STEAP1B: variants seen among roughly 807,000 people sequenced by gnomAD.
STEAP1B encodes the protein STEAP family protein MGC87042.
Under a neutral mutation model 27.9 loss-of-function variants are expected in STEAP1B, and 13 were observed. That is an observed-to-expected ratio of 0.47 (90% CI 0.30 to 0.74). The LOEUF is 0.74. STEAP1B is among the 30% of genes least tolerant of loss of function. STEAP1B has a pLI of 0.06. For missense variants in STEAP1B, 250 were observed against 298.7 expected, an observed-to-expected ratio of 0.84 and a Z score of 1.20; for synonymous variants, 86 against 107.1, an observed-to-expected ratio of 0.80 and a Z score of 1.22.
intron 4 of STEAP1B, among the ~76,000 whole-genome samples, chr7:22,423,105 G>A (rs944432684): frequency 6.6e-6 from 1 of 152,210 alleles, no homozygotes; most frequent in African/African-American, 2.4e-5. Context: ...GGAGCTCAGT[G>A]TGAAAAATTA....
intron 4 of STEAP1B, among the ~76,000 whole-genome samples, chr7:22,461,748 T>C (rs1312773606): frequency 6.6e-6 from 1 of 152,228 alleles, no homozygotes; most frequent in Non-Finnish European, 1.5e-5. Flanking sequence ...TTTGATTCTC[T>C]TCATGGTGCA....
chr7:22,465,365 C>T (rs574866338), intron 4 of STEAP1B, among the ~76,000 whole-genome samples: 4 of 152,182 alleles, frequency 2.6e-5, no homozygotes, highest in Middle Eastern at 3.4e-3. Context: ...GACTAATGTA[C>T]GGATTTTTTT....
chr7:22,458,157 A>G (rs555714350), intron 4 of STEAP1B, among the ~76,000 whole-genome samples: 1 of 152,382 alleles, frequency 6.6e-6, no homozygotes, highest in Admixed American at 6.5e-5. Flanking sequence ...TTCAATAAAC[A>G]TATCAGGTGA....
At position 22,454,861 on chromosome 7, in the gene STEAP1B, ATATAT is replaced by A. The variant is rs1562572891; in HGVS notation, c.763-35030_763-35026del. 1.4e-3 allele frequency among the ~76,000 whole-genome samples: 82 copies of A among 57,874 alleles called. 1 individual carries two copies. Among genetic ancestry groups the A allele is most frequent in the African/African-American group, 5.7e-3 (76 of 13,226 alleles). 38.0% of individuals were successfully genotyped at this position (57,874 alleles called of 152,430 possible). A position where few individuals can be genotyped will look rare whatever the true frequency, so the allele number is the denominator to read the frequency against. The stretch of plus-strand genomic sequence containing the variant: ...TATATATATATATGTATATATATAT[ATATAT>A]TTTTTTTTTTTTTTGAGACAGAGTC... On this transcript the variant is annotated intron_variant, in intron 4 of 4. Coordinates refer to ENST00000678116, the MANE Select transcript of STEAP1B (RefSeq NM_001382447.1).
intron 4 of STEAP1B, among the ~76,000 whole-genome samples, chr7:22,458,885 T>G (rs1454568650): frequency 6.6e-6 from 1 of 152,118 alleles, no homozygotes; most frequent in Non-Finnish European, 1.5e-5. Flanking sequence ...TAACTTTTTT[T>G]TTTTTTTGAG....
At chr7:22,449,104 T>C (rs765823282) in intron 4 of STEAP1B, among the ~76,000 whole-genome samples, 8 of 143,332 alleles carry the variant, frequency 5.6e-5, no homozygotes, top group Non-Finnish European at 9.0e-5. Context: ...GAGAATGGGG[T>C]ACCCATCCCA....
In STEAP1B at chr7:22,493,420, G is replaced by A. The variant is rs767581230; in HGVS notation, c.501C>T (p.Leu167=). ...WMLTRKQFGL[L]SLFFAVLHAI... The stretch of plus-strand genomic sequence containing the variant: ...CATGCAGTACAGCAAAAAACAAACT[G>A]AGAAGCCCAAACTGCTTTCTTGTTA... The change falls in exon 3 of 5, where the codon CTC becomes CTT. Residue 167 remains leucine, a synonymous_variant. Coordinates refer to ENST00000678116, the MANE Select transcript of STEAP1B (RefSeq NM_001382447.1). 13 of 1,613,882 alleles carry A rather than the reference G, an allele frequency of 8.1e-6. 2 individuals are homozygous for A. Among genetic ancestry groups the A allele is most frequent in the Middle Eastern group, 1.6e-4 (1 of 6,084 alleles).
rs181267462 is a variant in STEAP1B, at chr7:22,440,800, T to C, written c.763-20964A>G. Among the ~76,000 whole-genome samples the C allele has an allele frequency of 3.2e-4, 49 of 152,066 alleles. 1 individual carries two copies. Among genetic ancestry groups the C allele is most frequent in the Middle Eastern group, 3.4e-3 (1 of 290 alleles). ...ACACTGAAATAACATTCTTCAAATA[T>C]GCTAGTGACATACTGCATTACAGGT... On this transcript the variant is annotated intron_variant, in intron 4 of 4. Transcript: ENST00000678116.
chr7:22,419,659 C>CA lies in STEAP1B; in HGVS notation c.*144dup. On this transcript the variant is annotated 3_prime_UTR_variant, in exon 5 of 5. Coordinates refer to ENST00000678116, the MANE Select transcript of STEAP1B (RefSeq NM_001382447.1). ...ATCCACTCATCTGCCCTGCCGGATC[C>CA]ATGTTGACAGAGCAGCCGTCACCTG... 7 of 875,366 alleles carry CA rather than the reference C, an allele frequency of 8.0e-6. No homozygotes were observed. Among genetic ancestry groups the CA allele is most frequent in the Non-Finnish European group, 1.2e-5 (7 of 601,978 alleles). The allele number at this position is 875,366 out of a possible 1,614,324, so 54.2% of individuals were successfully genotyped here. A position where few individuals can be genotyped will look rare whatever the true frequency, so the allele number is the denominator to read the frequency against.
rs752148769 is a variant in STEAP1B at position 22,493,291 on chromosome 7, T to G, written c.597+33A>C. 13 of 1,565,896 alleles carry G rather than the reference T, an allele frequency of 8.3e-6. No homozygotes were observed. The African/African-American group carries it at 1.8e-4, about 21-fold the overall frequency. On this transcript the variant is annotated intron_variant, in intron 3 of 4. Transcript: ENST00000678116. ...TAATTTGTTAGGTGACTTAGACTTT[T>G]TATTAGTAACAGTGACATCATTGTC...
chr7:22,479,562 C>A (rs1000777116), intron 4 of STEAP1B, among the ~76,000 whole-genome samples: 8 of 151,958 alleles, frequency 5.3e-5, no homozygotes, highest in Admixed American at 3.3e-4. Context: ...AACTTGCTGA[C>A]TTCAGACTCC....
At chr7:22,497,875 T>C (rs754234103) in intron 1 of STEAP1B, among the ~76,000 whole-genome samples, 1 of 152,190 alleles carries the variant, frequency 6.6e-6, no homozygotes, top group Non-Finnish European at 1.5e-5. Context: ...TCTTACATTA[T>C]TGCAGTGGTC....
intron 4 of STEAP1B, among the ~76,000 whole-genome samples, chr7:22,469,438 A>G (rs775715038): frequency 1.1e-4 from 17 of 152,322 alleles, no homozygotes; most frequent in Middle Eastern, 3.4e-3. Flanking sequence ...TATGCAGTCT[A>G]TATTAGTGTA....
At chr7:22,461,916 T>C (rs1785685077) in intron 4 of STEAP1B, among the ~76,000 whole-genome samples, 1 of 152,312 alleles carries the variant, frequency 6.6e-6, no homozygotes, top group Admixed American at 6.5e-5. Context: ...ACGTGACTGT[T>C]AGGATTAAGT....
chr7:22,438,296 T>A (rs936953126), intron 4 of STEAP1B: 5 of 605,422 alleles, frequency 8.3e-6, no homozygotes, highest in African/African-American at 7.5e-5. Flanking sequence ...ATATGCTTGG[T>A]GTCCTATGCA....
chr7:22,466,958 GCTGCTGTAAGTA>G (rs1172180137), intron 4 of STEAP1B, among the ~76,000 whole-genome samples: 1 of 152,186 alleles, frequency 6.6e-6, no homozygotes, highest in African/African-American at 2.4e-5. Flanking sequence ...GCCTCCCAGG[GCTGCTGTAAGTA>G]CTATAGAAGT....
intron 4 of STEAP1B, among the ~76,000 whole-genome samples, chr7:22,488,841 G>T (rs1786266954): frequency 6.6e-6 from 1 of 152,196 alleles, no homozygotes. Context: ...TTGAGCCAGT[G>T]CACATGAAGG....
At chr7:22,484,937 C>G (rs554636276) in intron 4 of STEAP1B, among the ~76,000 whole-genome samples, 1 of 152,196 alleles carries the variant, frequency 6.6e-6, no homozygotes, top group African/African-American at 2.4e-5. Flanking sequence ...ATTCTGAGTA[C>G]AGCCTGAAGC....
chr7:22,474,248 T>C (rs1013234288), intron 4 of STEAP1B, among the ~76,000 whole-genome samples: 7 of 152,212 alleles, frequency 4.6e-5, no homozygotes, highest in Admixed American at 2.0e-4. Context: ...CTAGAGATGA[T>C]AAAGCAGTAA....
Sources: allele counts gnomAD v4.1 joint callset (sites outside exome capture counted in the v4.1 genomes callset), GRCh38; gene constraint gnomAD v4.1.1; transcripts MANE v1.5; gene names NCBI Gene and HGNC (gene_info 2026-07-23, HGNC 2026-07-21).